EDNRA: variants seen among roughly 807,000 people sequenced by gnomAD.
EDNRA encodes the protein endothelin-1 receptor.
Under a neutral mutation model 41.4 loss-of-function variants are expected in EDNRA, and 11 were observed. The observed-to-expected ratio is 0.27, with a 90% CI of 0.17 to 0.44. The LOEUF (loss-of-function observed/expected upper bound fraction) is 0.44. Among genes scored for constraint, EDNRA ranks in the 20% least tolerant of loss-of-function variants. The pLI, the probability that EDNRA is intolerant of heterozygous loss-of-function variation, is 1.00. For missense variants in EDNRA, 294 were observed against 531.0 expected, an observed-to-expected ratio of 0.55 and a Z score of 4.39; for synonymous variants, 172 against 183.0, an observed-to-expected ratio of 0.94 and a Z score of 0.49.
chr4:147,481,664 G>A lies in EDNRA; in HGVS notation c.-71+288G>A, dbSNP rs191443603. On this transcript the variant is annotated intron_variant, in intron 1 of 7. Transcript: ENST00000651419. The stretch of plus-strand genomic sequence containing the variant: ...GGATTCGGAGTTTTAGGAAGAGGAA[G>A]CCCAATAGTTTTCCCTGGGTGACCC... Among the ~76,000 whole-genome samples, 99 of 152,352 alleles carry A rather than the reference G, an allele frequency of 6.5e-4. 1 individual carries two copies. The highest frequency in any genetic ancestry group is 6.8e-3 in the Middle Eastern group (2 of 294).
intron 3 of EDNRA, among the ~76,000 whole-genome samples, chr4:147,531,395 T>G (rs1730732168): frequency 6.6e-6 from 1 of 152,252 alleles, no homozygotes; most frequent in Non-Finnish European, 1.5e-5. Flanking sequence ...AAGCCCACTG[T>G]GCTCACATAA....
chr4:147,518,043 G>A (rs558812933), intron 2 of EDNRA, among the ~76,000 whole-genome samples: 12 of 152,202 alleles, frequency 7.9e-5, no homozygotes, highest in Middle Eastern at 6.8e-3. Flanking sequence ...CTTAATCTCC[G>A]GGAATGAACA....
intron 3 of EDNRA, among the ~76,000 whole-genome samples, chr4:147,526,190 T>G (rs1429323021): frequency 6.6e-6 from 1 of 152,248 alleles, no homozygotes; most frequent in Admixed American, 6.5e-5. Flanking sequence ...CTTATTCTAT[T>G]GTCAAGATCA....
intron 5 of EDNRA, 32 bp from the exon 6 acceptor site, chr4:147,539,785 T>A: frequency 6.3e-7 from 1 of 1,598,880 alleles, no homozygotes. Flanking sequence ...ACACTAAATT[T>A]GTTGTCCTAT....
rs1363196459 is a variant in EDNRA, at chr4:147,486,001, A to G, written c.320A>G (p.Gln107Arg). 1 of 1,614,266 alleles carries G rather than the reference A, an allele frequency of 6.2e-7. No homozygotes were observed. The highest frequency in any genetic ancestry group is 2.2e-5 in the East Asian group (1 of 44,892). Residue 107 changes from glutamine to arginine, a missense_variant, in exon 2 of 8, where the codon CAG (glutamine) becomes CGG (arginine). Physicochemically the swap from Gln to Arg is conservative, Grantham distance 43. Around this residue, in one of 3 missense-constraint regions of EDNRA, gnomAD observed 185 missense variants for 390.8 expected, o/e 0.47. Coordinates refer to ENST00000651419, the MANE Select transcript of EDNRA (RefSeq NM_001957.4). The surrounding 1 kb of genome is among the most constrained non-coding windows in gnomAD (Gnocchi z 4.3). ...GCAACTCTGCTCAGGATCATTTACC[A>G]GAACAAATGTATGAGGAATGGCCCC... ...GNATLLRIIY[Q>R]NKCMRNGPNA...
At chr4:147,522,313 C>A (rs1730355279) in intron 3 of EDNRA, among the ~76,000 whole-genome samples, 1 of 152,048 alleles carries the variant, frequency 6.6e-6, no homozygotes, top group Non-Finnish European at 1.5e-5. Context: ...CCAAGGTGGG[C>A]AGATCACTTG....
chr4:147,523,468 T>C (rs201793430), intron 3 of EDNRA, among the ~76,000 whole-genome samples: 1 of 132,134 alleles, frequency 7.6e-6, no homozygotes, highest in Admixed American at 7.2e-5. Flanking sequence ...TTTGTTTTTT[T>C]TTGTTGTTGT....
chr4:147,542,659 C>T lies in EDNRA; in HGVS notation c.*41C>T, dbSNP rs1731148894. 3 of 1,590,452 alleles carry T rather than the reference C, an allele frequency of 1.9e-6. No individual in the cohort carries two copies. The highest frequency in any genetic ancestry group is 3.5e-5 in the Admixed American group (2 of 57,224). Reference sequence around the variant, plus strand: ...CTCCTCGGTACTCCCATAATCCTCTCGGAGAAAAAAATCACAAGGCAACTG... The same window carrying T: ...CTCCTCGGTACTCCCATAATCCTCTTGGAGAAAAAAATCACAAGGCAACTG... On this transcript the variant is annotated 3_prime_UTR_variant, in exon 8 of 8. Coordinates refer to ENST00000651419, the MANE Select transcript of EDNRA (RefSeq NM_001957.4).
chr4:147,525,135 T>C (rs1472711515), intron 3 of EDNRA, among the ~76,000 whole-genome samples: 1 of 152,226 alleles, frequency 6.6e-6, no homozygotes, highest in Non-Finnish European at 1.5e-5. Context: ...CCAAGTTCTA[T>C]AGGATTTCTT....
rs1179142109 is a variant in EDNRA, at chr4:147,540,016, C to G, written c.1034+66C>G. ...GATTTTCATATTTATAATACTTTTA[C>G]AAAACCAGCTACTCTACATGCCCGT... On this transcript the variant is annotated intron_variant, in intron 6 of 7. Transcript: ENST00000651419. The G allele has an allele frequency of 2.6e-6, 4 of 1,529,858 alleles. No homozygotes were observed. The African/African-American group carries it at 5.6e-5, about 21-fold the overall frequency. The allele number at this position is 1,529,858 out of a possible 1,614,324, so 94.8% of individuals were successfully genotyped here.
At chr4:147,504,977 AGG>A in intron 2 of EDNRA, among the ~76,000 whole-genome samples, 1 of 148,492 alleles carries the variant, frequency 6.7e-6, no homozygotes, top group Middle Eastern at 3.4e-3. Flanking sequence ...AAAAAAAAAA[AGG>A]ATTCATATCT....
chr4:147,492,429 T>C (rs957451458), intron 2 of EDNRA: 3 of 152,230 alleles, frequency 2.0e-5, no homozygotes, highest in Non-Finnish European at 4.4e-5. Context: ...TCAGAATATC[T>C]CAGGGTCCAT....
intron 2 of EDNRA, chr4:147,491,865 A>G (rs1356617960): frequency 1.3e-5 from 2 of 152,170 alleles, no homozygotes; most frequent in Admixed American, 6.5e-5. Flanking sequence ...TCTATTCCTC[A>G]CTGGTGCATT....
intron 3 of EDNRA, among the ~76,000 whole-genome samples, chr4:147,527,846 C>G (rs908454619): frequency 1.3e-5 from 2 of 152,152 alleles, no homozygotes; most frequent in Non-Finnish European, 2.9e-5. Context: ...GAGCCATGGT[C>G]CAGACGCCCC....
chr4:147,524,009 T>C (rs1730440741), intron 3 of EDNRA, among the ~76,000 whole-genome samples: 1 of 151,934 alleles, frequency 6.6e-6, no homozygotes, highest in Non-Finnish European at 1.5e-5. Flanking sequence ...CATAAAGGAG[T>C]AGAAGAAAAT....
intron 5 of EDNRA, among the ~76,000 whole-genome samples, chr4:147,537,369 G>A (rs1730951786): frequency 6.6e-6 from 1 of 152,168 alleles, no homozygotes; most frequent in Non-Finnish European, 1.5e-5. Flanking sequence ...ACCTTAGTAT[G>A]ACTTTGTTCA....
chr4:147,514,588 C>T (rs556616168), intron 2 of EDNRA, among the ~76,000 whole-genome samples: 1 of 152,130 alleles, frequency 6.6e-6, no homozygotes, highest in Non-Finnish European at 1.5e-5. Flanking sequence ...ATTCTCCTGC[C>T]TCAGCCTCCC....
Position 147,485,802 on chromosome 4 carries a change from C to T in EDNRA, c.121C>T (p.Arg41Cys), listed in dbSNP as rs139739379. 14 of 1,614,236 alleles carry T rather than the reference C, an allele frequency of 8.7e-6. No homozygotes were observed. Among genetic ancestry groups the T allele is most frequent in the South Asian group, 3.3e-5 (3 of 91,082 alleles). Residue 41 changes from arginine (R) to cysteine (C), a missense_variant, in exon 2 of 8, where the codon CGT (arginine) becomes TGT (cysteine). Physicochemically the swap from Arg to Cys is radical, Grantham distance 180 (BLOSUM62 -3). Coordinates refer to ENST00000651419, the MANE Select transcript of EDNRA (RefSeq NM_001957.4). ...SNHVDDFTTF[R>C]GTELSFLVTT... is the part of the protein sequence containing the mutation. ...TCATGTGGATGATTTCACCACTTTT[C>T]GTGGCACAGAGCTCAGCTTCCTGGT...
rs13306317 is a variant in EDNRA, at chr4:147,485,655, G to A, written c.-27G>A. The stretch of plus-strand genomic sequence containing the variant: ...TGTAAAAGCAGCACAAGTGCAATAA[G>A]AGATATTTCCTCAAATTTGCCTCAA... On this transcript the variant is annotated 5_prime_UTR_variant, in exon 2 of 8. Coordinates refer to ENST00000651419, the MANE Select transcript of EDNRA (RefSeq NM_001957.4). 2.9e-4 allele frequency: 451 copies of A among 1,556,360 alleles called. 3 individuals carry two copies. The East Asian group carries it at 9.2e-3, about 32-fold the overall frequency.
Sources: allele counts gnomAD v4.1 joint callset (sites outside exome capture counted in the v4.1 genomes callset), GRCh38; gene constraint gnomAD v4.1.1; regional missense constraint gnomAD v4.1.1; non-coding constraint Gnocchi (gnomAD v3.1); transcripts MANE v1.5; gene names NCBI Gene and HGNC (gene_info 2026-07-23, HGNC 2026-07-21).